NEDD9: variants seen among roughly 807,000 people sequenced by gnomAD.
NEDD9 encodes the protein enhancer of filamentation 1.
A neutral mutation model predicts 76.6 loss-of-function variants in NEDD9; 26 were observed. That is an observed-to-expected ratio of 0.34 (90% CI 0.25 to 0.47). The LOEUF is 0.47. NEDD9 is among the 20% of genes least tolerant of loss of function. The pLI, the probability that NEDD9 is intolerant of heterozygous loss-of-function variation, is 1.00. For synonymous variants in NEDD9, 392 were observed against 414.2 expected (o/e 0.95, Z 0.65); for missense variants, 937 against 1,058.5 (o/e 0.89, Z 1.59).
chr6:11,313,208 G>T (rs1209591516), intron 2 of NEDD9, among the ~76,000 whole-genome samples: 6 of 151,282 alleles, frequency 4.0e-5, no homozygotes, highest in African/African-American at 1.5e-4. Context: ...TCAATGGGTA[G>T]ATATATGATG....
At chr6:11,307,498 C>T (rs944744620) in intron 2 of NEDD9, among the ~76,000 whole-genome samples, 4 of 152,084 alleles carry the variant, frequency 2.6e-5, no homozygotes, top group Non-Finnish European at 4.4e-5. Context: ...GCGTTTCCAG[C>T]GCCCTGTCTG....
chr6:11,213,218 G>T lies in NEDD9; in HGVS notation c.459+63C>A. 1.4e-6 allele frequency: 2 copies of T among 1,425,700 alleles called. No individual in the cohort carries two copies. Among genetic ancestry groups the T allele is most frequent in the African/African-American group, 1.4e-5 (1 of 70,046 alleles). The allele number at this position is 1,425,700 out of a possible 1,614,324, so 88.3% of individuals were successfully genotyped here. ...TATTAATTTGGGAACATTTCCAAAT[G>T]CTCCAAGTGTAATGGGAAAAAAAAA... On this transcript the variant is annotated intron_variant, in intron 2 of 6. Coordinates refer to ENST00000379446, the MANE Select transcript of NEDD9 (RefSeq NM_006403.4). The surrounding 1 kb of genome is among the most constrained non-coding windows in gnomAD (Gnocchi z 5.4).
intron 3 of NEDD9, among the ~76,000 whole-genome samples, chr6:11,297,468 G>T (rs1228610123): frequency 6.6e-6 from 1 of 152,152 alleles, no homozygotes; most frequent in Non-Finnish European, 1.5e-5. Flanking sequence ...TTCTGTCCAT[G>T]CCTTCACTCA....
intron 3 of NEDD9, among the ~76,000 whole-genome samples, chr6:11,254,046 TTAG>T (rs1193642268): frequency 6.6e-6 from 1 of 152,240 alleles, no homozygotes. Flanking sequence ...GAGCAACTTT[TTAG>T]TAGAAGTACA....
At chr6:11,374,020 G>A (rs919121823) in intron 1 of NEDD9, among the ~76,000 whole-genome samples, 4 of 152,000 alleles carry the variant, frequency 2.6e-5, no homozygotes, top group Admixed American at 2.6e-4. Context: ...CTCCATAATT[G>A]TGTGAACCAA....
intron 3 of NEDD9, among the ~76,000 whole-genome samples, chr6:11,267,940 A>G (rs1326354873): frequency 6.6e-6 from 1 of 152,250 alleles, no homozygotes; most frequent in Non-Finnish European, 1.5e-5. Flanking sequence ...TTCACCCTAC[A>G]ACAGATTTAG....
At chr6:11,266,963 A>C (rs1165501354) in intron 3 of NEDD9, among the ~76,000 whole-genome samples, 1 of 152,246 alleles carries the variant, frequency 6.6e-6, no homozygotes, top group Non-Finnish European at 1.5e-5. Flanking sequence ...GCTGTGAATC[A>C]GGAGCAAAGT....
At chr6:11,331,693 G>C (rs1394504025) in intron 2 of NEDD9, among the ~76,000 whole-genome samples, 1 of 152,096 alleles carries the variant, frequency 6.6e-6, no homozygotes, top group East Asian at 1.9e-4. Context: ...GCAACACTTA[G>C]ACCTGCCTGA....
At chr6:11,300,192 G>A (rs1469465099) in intron 3 of NEDD9, among the ~76,000 whole-genome samples, 1 of 152,052 alleles carries the variant, frequency 6.6e-6, no homozygotes, top group Non-Finnish European at 1.5e-5. Context: ...TGAAAACCAC[G>A]GCATGAGAAC....
rs1294672932 is a variant in NEDD9 at position 11,252,762 on chromosome 6, T to C, written c.13-39035A>G. ...AAAAAACAACTCTGTCTCTTAAATATAGGGTTTGTTTGTGAGTAAATTGGT... is the reference window on the plus strand; with the variant it reads ...AAAAAACAACTCTGTCTCTTAAATACAGGGTTTGTTTGTGAGTAAATTGGT... On this transcript the variant is annotated intron_variant, in intron 3 of 3. Coordinates refer to the NEDD9 transcript ENST00000397378. The surrounding 1 kb of genome is among the most constrained non-coding windows in gnomAD (Gnocchi z 4.3). 6.6e-6 allele frequency among the ~76,000 whole-genome samples: 1 copy of C among 152,120 alleles called. No individual in the cohort carries two copies. Among genetic ancestry groups the C allele is most frequent in the Non-Finnish European group, 1.5e-5 (1 of 68,014 alleles).
At chr6:11,317,326 G>C (rs1027495848) in intron 2 of NEDD9, among the ~76,000 whole-genome samples, 1 of 151,904 alleles carries the variant, frequency 6.6e-6, no homozygotes, top group African/African-American at 2.4e-5. Flanking sequence ...CCAGCTACTC[G>C]GGAGGCTGAG....
intron 2 of NEDD9, among the ~76,000 whole-genome samples, chr6:11,206,935 G>A (rs1758634278): frequency 6.6e-6 from 1 of 152,190 alleles, no homozygotes; most frequent in Non-Finnish European, 1.5e-5. Context: ...GGCAAGTACA[G>A]TTCTCTGCAT....
chr6:11,184,786 CA>C lies in NEDD9; in HGVS notation c.*375del, dbSNP rs972463283. ...CCAGCTGGTATGTTTTTAACAACAA[CA>C]AAAAAAATGCAGCATTAGAAGGTGC... is the stretch of plus-strand genomic sequence containing the variant. On this transcript the variant is annotated 3_prime_UTR_variant, in exon 7 of 7. Coordinates refer to ENST00000379446, the MANE Select transcript of NEDD9 (RefSeq NM_006403.4). 1.1e-4 allele frequency: 18 copies of C among 166,062 alleles called. No individual in the cohort carries two copies. The highest frequency in any genetic ancestry group is 3.3e-4 in the East Asian group (2 of 6,082). The allele number at this position is 166,062 out of a possible 1,614,324, so 10.3% of individuals were successfully genotyped here. A position where few individuals can be genotyped will look rare whatever the true frequency, so the allele number is the denominator to read the frequency against.
chr6:11,192,284 C>G (rs1419439221), intron 4 of NEDD9, 61 bp downstream of exon 4: 1 of 391,724 alleles, frequency 2.6e-6, no homozygotes, highest in Non-Finnish European at 4.2e-6. Context: ...CAACCCTGCA[C>G]CCCCCGACAC....
At chr6:11,310,465 G>A (rs1004418030) in intron 2 of NEDD9, among the ~76,000 whole-genome samples, 3 of 151,980 alleles carry the variant, frequency 2.0e-5, no homozygotes, top group East Asian at 1.9e-4. Flanking sequence ...TGCATCAATC[G>A]CCCAGCTATT....
chr6:11,368,037 G>T (rs534783817), intron 1 of NEDD9, among the ~76,000 whole-genome samples: 2 of 152,120 alleles, frequency 1.3e-5, no homozygotes, highest in African/African-American at 4.8e-5. Flanking sequence ...TCGTGTTTTC[G>T]TGGATGAGGC....
chr6:11,360,034 G>A (rs556136720), intron 1 of NEDD9, among the ~76,000 whole-genome samples: 77 of 152,328 alleles, frequency 5.1e-4, no homozygotes, highest in Non-Finnish European at 9.6e-4. Context: ...TAACTAAACT[G>A]TCCATCTGTG....
At chr6:11,207,814 A>G (rs1415602833) in intron 2 of NEDD9, among the ~76,000 whole-genome samples, 2 of 152,230 alleles carry the variant, frequency 1.3e-5, no homozygotes, top group African/African-American at 4.8e-5. Flanking sequence ...ATAGGAGTTC[A>G]CAGGGAAAAT....
chr6:11,226,459 T>A (rs1344921178), intron 1 of NEDD9, among the ~76,000 whole-genome samples: 22 of 152,188 alleles, frequency 1.4e-4, no homozygotes. Context: ...GTCCTAGTGG[T>A]TGGCATTTCA....
Sources: allele counts gnomAD v4.1 joint callset (sites outside exome capture counted in the v4.1 genomes callset), GRCh38; gene constraint gnomAD v4.1.1; non-coding constraint Gnocchi (gnomAD v3.1); transcripts MANE v1.5; gene names NCBI Gene and HGNC (gene_info 2026-07-23, HGNC 2026-07-21).